Variants in CDH18 observed in about 807,000 individuals in gnomAD.
The protein encoded by CDH18 is cadherin-18.
In CDH18, 31 loss-of-function variants were observed where a neutral mutation model predicts 67.9. The observed-to-expected ratio is 0.46, with a 90% CI of 0.34 to 0.62. The LOEUF is 0.62. Ranked by LOEUF, CDH18 falls within the 20% of genes least tolerant of loss-of-function variation. The pLI is 0.01. For synonymous variants in CDH18, 362 were observed against 347.2 expected (o/e 1.04, Z -0.48); for missense variants, 890 against 975.5 (o/e 0.91, Z 1.17).
At chr5:20,086,989 C>A (rs1745012596) in intron 2 of CDH18, among the ~76,000 whole-genome samples, 1 of 152,104 alleles carries the variant, frequency 6.6e-6, no homozygotes, top group Non-Finnish European at 1.5e-5. Context: ...TGGATCTGAG[C>A]AAAAGAAATC....
At chr5:20,072,163 C>CA (rs1297531737) in intron 2 of CDH18, among the ~76,000 whole-genome samples, 2 of 151,942 alleles carry the variant, frequency 1.3e-5, no homozygotes, top group African/African-American at 4.8e-5. Context: ...GAATTAGCAG[C>CA]AAAAAGATTC....
At chr5:20,414,415 A>G (rs567593949) in intron 1 of CDH18, among the ~76,000 whole-genome samples, 2 of 152,314 alleles carry the variant, frequency 1.3e-5, no homozygotes, top group South Asian at 2.1e-4. Flanking sequence ...GACCTAAACA[A>G]TGGCTATACA....
At chr5:20,019,636 A>G (rs1289827797) in intron 2 of CDH18, among the ~76,000 whole-genome samples, 1 of 152,144 alleles carries the variant, frequency 6.6e-6, no homozygotes, top group Non-Finnish European at 1.5e-5. Flanking sequence ...ACATTTCCTG[A>G]GGCCTCCCAG....
intron 1 of CDH18, among the ~76,000 whole-genome samples, chr5:20,443,233 T>TAAAAAAAAAAAAAAAAA (rs1749764879): frequency 8.6e-6 from 1 of 116,154 alleles, no homozygotes; most frequent in African/African-American, 3.2e-5. Context: ...AAAAAAAAAG[T>TAAAAAAAAAAAAAAAAA]ATATCTTTTG....
At position 19,803,276 on chromosome 5, in the gene CDH18, C is replaced by A. The variant is rs183850313; in HGVS notation, c.228+35483G>T. 9.9e-5 allele frequency among the ~76,000 whole-genome samples: 15 copies of A among 152,270 alleles called. No homozygotes were observed. The East Asian group carries it at 2.3e-3, about 24-fold the overall frequency. On this transcript the variant is annotated intron_variant, in intron 3 of 12. Transcript: ENST00000382275. ...GGTATTAGATTCATAATGTCTCACA[C>A]GCATATGAGTTTATGTGACCTTTAC...
intron 10 of CDH18, among the ~76,000 whole-genome samples, chr5:19,514,666 AT>A (rs1467564592): frequency 1.3e-5 from 2 of 151,976 alleles, no homozygotes; most frequent in Non-Finnish European, 2.9e-5. Flanking sequence ...GTTTGTTCTT[AT>A]CCTTTGCCCA....
chr5:20,345,046 C>A (rs1740591811), intron 1 of CDH18, among the ~76,000 whole-genome samples: 1 of 152,148 alleles, frequency 6.6e-6, no homozygotes, highest in Non-Finnish European at 1.5e-5. Flanking sequence ...CATTGTATCC[C>A]TTATCTGCCA....
intron 1 of CDH18, among the ~76,000 whole-genome samples, chr5:20,486,680 TGTATATA>T (rs1561053867): frequency 1.1e-5 from 1 of 87,798 alleles, no homozygotes; most frequent in African/African-American, 5.4e-5. Flanking sequence ...TTGCTATTTT[TGTATATA>T]TATATATATA....
At chr5:19,838,695 A>G in intron 3 of CDH18, 64 bp downstream of exon 3, 1 of 1,062,106 alleles carries the variant, frequency 9.4e-7, no homozygotes, top group Non-Finnish European at 1.4e-6. Flanking sequence ...TTTCTCCAAC[A>G]TGAGCTCATC....
chr5:20,028,988 G>T (rs1277092065), intron 2 of CDH18, among the ~76,000 whole-genome samples: 2 of 152,068 alleles, frequency 1.3e-5, no homozygotes, highest in Non-Finnish European at 2.9e-5. Flanking sequence ...TATAAAGTGG[G>T]AAAGTTTCCA....
intron 3 of CDH18, among the ~76,000 whole-genome samples, chr5:19,831,766 C>G (rs1781058347): frequency 6.6e-6 from 1 of 151,988 alleles, no homozygotes; most frequent in South Asian, 2.1e-4. Flanking sequence ...ACCCCCTCCC[C>G]CAAAATAAAT....
chr5:20,526,650 C>T (rs936211569), intron 1 of CDH18, among the ~76,000 whole-genome samples: 1 of 151,984 alleles, frequency 6.6e-6, no homozygotes, highest in African/African-American at 2.4e-5. Context: ...CTGCAGCAGA[C>T]CTGCAGAAAA....
At chr5:20,297,614 G>A (rs1747643651) in intron 1 of CDH18, among the ~76,000 whole-genome samples, 1 of 152,124 alleles carries the variant, frequency 6.6e-6, no homozygotes, top group African/African-American at 2.4e-5. Flanking sequence ...CCCATAAACT[G>A]GATGCTGCTA....
chr5:19,809,437 A>G (rs1183933421), intron 3 of CDH18, among the ~76,000 whole-genome samples: 1 of 152,192 alleles, frequency 6.6e-6, no homozygotes, highest in African/African-American at 2.4e-5. Context: ...ACTCCCTGAA[A>G]TTAATGGGTG....
intron 2 of CDH18, among the ~76,000 whole-genome samples, chr5:19,997,319 ACT>A (rs1230283271): frequency 6.6e-6 from 1 of 152,094 alleles, no homozygotes; most frequent in African/African-American, 2.4e-5. Context: ...ATGGCTGTAC[ACT>A]GTTATAGCAC....
chr5:20,056,459 TC>T (rs1741948428), intron 2 of CDH18, among the ~76,000 whole-genome samples: 7 of 145,596 alleles, frequency 4.8e-5, no homozygotes, highest in Admixed American at 1.4e-4. Flanking sequence ...TTATTATTTT[TC>T]TTTATTTTCT....
chr5:20,006,234 G>A (rs1021228035), intron 2 of CDH18, among the ~76,000 whole-genome samples: 1 of 151,652 alleles, frequency 6.6e-6, no homozygotes, highest in African/African-American at 2.4e-5. Flanking sequence ...AATTAGAGAT[G>A]GCAAGCAGAA....
At chr5:20,040,001 G>A (rs1233525867) in intron 2 of CDH18, among the ~76,000 whole-genome samples, 1 of 151,778 alleles carries the variant, frequency 6.6e-6, no homozygotes, top group Non-Finnish European at 1.5e-5. Context: ...AAATTTACAA[G>A]GTAGAAAAAC....
chr5:20,572,321 T>A (rs1758864475), intron 1 of CDH18, among the ~76,000 whole-genome samples: 1 of 152,104 alleles, frequency 6.6e-6, no homozygotes, highest in Non-Finnish European at 1.5e-5. Context: ...TTCGGTGCTG[T>A]CCCTAGAGAT....
Sources: gnomAD v4.1 joint callset for allele counts (sites outside exome capture counted in the v4.1 genomes callset) on GRCh38, gnomAD v4.1.1 for gene constraint, MANE v1.5 for transcripts, NCBI Gene and HGNC (gene_info 2026-07-23, HGNC 2026-07-21) for gene names.